GRM7: variants seen among roughly 807,000 people sequenced by gnomAD.
GRM7 encodes the protein metabotropic glutamate receptor 7.
GRM7 carries 35 observed loss-of-function variants against 84.5 expected under a neutral mutation model. The observed-to-expected ratio is 0.41, with a 90% CI of 0.32 to 0.55. The LOEUF (loss-of-function observed/expected upper bound fraction) is 0.55. Among genes scored for constraint, GRM7 ranks in the 20% least tolerant of loss-of-function variants. GRM7 has a pLI of 0.19. For missense variants in GRM7, 1,003 were observed against 1,194.6 expected, an observed-to-expected ratio of 0.84 and a Z score of 2.36; for synonymous variants, 487 against 455.1, an observed-to-expected ratio of 1.07 and a Z score of -0.89.
At chr3:6,981,610 G>A (rs1317132367) in intron 1 of GRM7, among the ~76,000 whole-genome samples, 1 of 152,172 alleles carries the variant, frequency 6.6e-6, no homozygotes, top group African/African-American at 2.4e-5. Flanking sequence ...TCTGGCCACA[G>A]GATCATCCTC....
chr3:6,894,748 G>C (rs1696112565), intron 1 of GRM7, among the ~76,000 whole-genome samples: 1 of 152,146 alleles, frequency 6.6e-6, no homozygotes, highest in Non-Finnish European at 1.5e-5. Flanking sequence ...ATAAAATCAA[G>C]CATTTCAACT....
chr3:7,266,205 A>C (rs1196152180), intron 2 of GRM7, among the ~76,000 whole-genome samples: 1 of 152,226 alleles, frequency 6.6e-6, no homozygotes, highest in Non-Finnish European at 1.5e-5. Flanking sequence ...TCAAGGGAAA[A>C]AAAAATCCCA....
At chr3:7,094,137 A>G (rs974506789) in intron 1 of GRM7, among the ~76,000 whole-genome samples, 20 of 152,130 alleles carry the variant, frequency 1.3e-4, no homozygotes, top group African/African-American at 4.8e-4. Context: ...AAGAGTTTAT[A>G]TTTCAGTGAA....
chr3:7,572,875 T>TATAA (rs1559411986), intron 7 of GRM7, among the ~76,000 whole-genome samples: 8 of 66,444 alleles, frequency 1.2e-4, no homozygotes, highest in African/African-American at 4.7e-4. Flanking sequence ...TATATATATA[T>TATAA]ATATAAATAA....
chr3:7,150,945 G>T (rs534603732), intron 2 of GRM7, among the ~76,000 whole-genome samples: 1 of 152,186 alleles, frequency 6.6e-6, no homozygotes, highest in South Asian at 2.1e-4. Context: ...CATGAATACT[G>T]CTTGACAATA....
At chr3:7,329,079 G>T (rs954039068) in intron 4 of GRM7, among the ~76,000 whole-genome samples, 3 of 151,978 alleles carry the variant, frequency 2.0e-5, no homozygotes, top group Non-Finnish European at 4.4e-5. Flanking sequence ...CTGTGTTAAG[G>T]ATGTTAGTTC....
intron 9 of GRM7, among the ~76,000 whole-genome samples, chr3:7,705,928 C>T (rs969968019): frequency 6.6e-6 from 1 of 152,150 alleles, no homozygotes; most frequent in South Asian, 2.1e-4. Context: ...CTAGCTGCCA[C>T]ATGGAACAAT....
intron 1 of GRM7, among the ~76,000 whole-genome samples, chr3:7,121,753 C>T (rs1260228999): frequency 2.0e-5 from 3 of 152,100 alleles, no homozygotes; most frequent in Non-Finnish European, 4.4e-5. Context: ...AAGCTGAAAA[C>T]AATGCCAATA....
intron 1 of GRM7, among the ~76,000 whole-genome samples, chr3:7,133,302 G>A (rs1447918528): frequency 6.6e-6 from 1 of 152,196 alleles, no homozygotes; most frequent in African/African-American, 2.4e-5. Flanking sequence ...CTTTTGCACA[G>A]ACAGACCTCC....
chr3:7,079,385 A>G (rs975185789), intron 1 of GRM7, among the ~76,000 whole-genome samples: 3 of 152,190 alleles, frequency 2.0e-5, no homozygotes, highest in African/African-American at 7.2e-5. Context: ...CTTTAGAAGA[A>G]TGATACTTCA....
intron 1 of GRM7, among the ~76,000 whole-genome samples, chr3:6,991,291 C>T (rs1694624683): frequency 6.6e-6 from 1 of 152,210 alleles, no homozygotes; most frequent in African/African-American, 2.4e-5. Flanking sequence ...TTCCTCTTTA[C>T]TCCCAGATGA....
At chr3:7,550,709 C>G (rs186305942) in intron 7 of GRM7, among the ~76,000 whole-genome samples, 4 of 150,782 alleles carry the variant, frequency 2.7e-5, no homozygotes, top group Non-Finnish European at 4.4e-5. Flanking sequence ...GCTGTGTATG[C>G]TTTTTCTGAA....
At chr3:7,128,747 A>G (rs1693489207) in intron 1 of GRM7, among the ~76,000 whole-genome samples, 1 of 151,476 alleles carries the variant, frequency 6.6e-6, no homozygotes. Context: ...ATTTTAGGTG[A>G]TCCACCCACC....
chr3:7,273,435 A>T (rs543579023), intron 2 of GRM7, among the ~76,000 whole-genome samples: 30 of 152,182 alleles, frequency 2.0e-4, no homozygotes, highest in Non-Finnish European at 3.2e-4. Flanking sequence ...AAATATGTCC[A>T]TTTCTAATAG....
rs928441543 is a variant in GRM7 at position 7,151,607 on chromosome 3, T to C, written c.736+4939T>C. Among the ~76,000 whole-genome samples the C allele has an allele frequency of 1.1e-4, 16 of 152,208 alleles. No individual in the cohort carries two copies. The highest frequency in any genetic ancestry group is 2.0e-4 in the Admixed American group (3 of 15,272). ...GGGCAAGGACATTTTCCTGTGTTTC[T>C]ATTATCTAAGATAATTCCTAGTACA... On this transcript the variant is annotated intron_variant, in intron 2 of 9. Coordinates refer to ENST00000357716, the MANE Select transcript of GRM7 (RefSeq NM_000844.4). This position sits in a 1 kb window ranked among gnomAD's most constrained non-coding sequence, Gnocchi z 4.5.
chr3:6,896,775 C>G (rs1029718587), intron 1 of GRM7, among the ~76,000 whole-genome samples: 1 of 152,124 alleles, frequency 6.6e-6, no homozygotes, highest in Admixed American at 6.6e-5. Context: ...CCTATCTCCA[C>G]TTGTTTTCCT....
intron 2 of GRM7, among the ~76,000 whole-genome samples, chr3:7,247,092 G>T (rs1317476865): frequency 6.6e-6 from 1 of 151,922 alleles, no homozygotes; most frequent in Non-Finnish European, 1.5e-5. Context: ...CTTGAACAAT[G>T]GTGTATCTAC....
At chr3:7,674,040 C>A (rs1700035649) in intron 8 of GRM7, among the ~76,000 whole-genome samples, 1 of 152,146 alleles carries the variant, frequency 6.6e-6, no homozygotes, top group South Asian at 2.1e-4. Flanking sequence ...ATGGTTTATG[C>A]AGAGGATGCC....
At chr3:7,584,582 G>A (rs1194423616) in intron 8 of GRM7, among the ~76,000 whole-genome samples, 1 of 152,190 alleles carries the variant, frequency 6.6e-6, no homozygotes, top group Admixed American at 6.5e-5. Flanking sequence ...AGAAATGTGA[G>A]CATAGGGTAT....
Sources: gnomAD v4.1 joint callset for allele counts (sites outside exome capture counted in the v4.1 genomes callset) on GRCh38, gnomAD v4.1.1 for gene constraint, Gnocchi (gnomAD v3.1) non-coding constraint, MANE v1.5 for transcripts, NCBI Gene and HGNC (gene_info 2026-07-23, HGNC 2026-07-21) for gene names.